GFRA1: variants seen among roughly 807,000 people sequenced by gnomAD.
The protein encoded by GFRA1 is GDNF family receptor alpha 1, also known as GDNF family receptor alpha-1.
Under a neutral mutation model 51.6 loss-of-function variants are expected in GFRA1, and 16 were observed. That is an observed-to-expected ratio of 0.31 (90% CI 0.21 to 0.47). GFRA1 has a LOEUF of 0.47. GFRA1 is among the 20% of genes least tolerant of loss of function. The probability of loss-of-function intolerance (pLI) is 1.00; values close to 1 mark genes in which losing one functional copy is unlikely to be tolerated. For missense variants in GFRA1, 530 were observed against 594.3 expected (o/e 0.89, Z 1.13); for synonymous variants, 270 against 241.3 (o/e 1.12, Z -1.10).
intron 4 of GFRA1, among the ~76,000 whole-genome samples, chr10:116,252,722 G>A (rs1230743861): frequency 1.3e-5 from 2 of 152,116 alleles, no homozygotes; most frequent in Admixed American, 6.5e-5. Flanking sequence ...ACAGATTCTC[G>A]TCTTTAACTA....
intron 4 of GFRA1, among the ~76,000 whole-genome samples, chr10:116,249,757 T>G (rs548201523): frequency 6.6e-6 from 1 of 152,284 alleles, no homozygotes; most frequent in African/African-American, 2.4e-5. Context: ...ACCTACTACA[T>G]AGTTTTCTTG....
At chr10:116,142,791 A>G (rs1353913128) in intron 5 of GFRA1, among the ~76,000 whole-genome samples, 2 of 152,238 alleles carry the variant, frequency 1.3e-5, no homozygotes, top group Non-Finnish European at 2.9e-5. Flanking sequence ...ATATTTATCT[A>G]CAAATTAACA....
intron 9 of GFRA1, among the ~76,000 whole-genome samples, chr10:116,068,288 C>G (rs923994975): frequency 6.6e-6 from 1 of 152,190 alleles, no homozygotes; most frequent in African/African-American, 2.4e-5. Flanking sequence ...CTCGGGAAAG[C>G]CCTACAGCAG....
At chr10:116,112,780 A>G (rs187088271) in intron 6 of GFRA1, among the ~76,000 whole-genome samples, 1 of 152,348 alleles carries the variant, frequency 6.6e-6, no homozygotes, top group African/African-American at 2.4e-5. Context: ...AGATGCTCCA[A>G]GGTTCTCTAA....
chr10:116,213,456 T>C (rs942157273), intron 4 of GFRA1, among the ~76,000 whole-genome samples: 1 of 152,212 alleles, frequency 6.6e-6, no homozygotes, highest in African/African-American at 2.4e-5. Flanking sequence ...CACAGAAATA[T>C]TGCTTATTTT....
At chr10:116,172,095 A>G (rs1016757069) in intron 5 of GFRA1, among the ~76,000 whole-genome samples, 8 of 152,208 alleles carry the variant, frequency 5.3e-5, no homozygotes, top group Non-Finnish European at 7.3e-5. Context: ...TCTTCAGAAG[A>G]TGAGACCCGG....
intron 5 of GFRA1, among the ~76,000 whole-genome samples, chr10:116,184,904 C>T (rs1265823202): frequency 1.3e-5 from 2 of 152,202 alleles, no homozygotes; most frequent in African/African-American, 2.4e-5. Flanking sequence ...CAGTGCAGGA[C>T]ACAGGCCTTT....
chr10:116,105,972 T>C (rs1422045218), intron 6 of GFRA1, among the ~76,000 whole-genome samples: 1 of 152,026 alleles, frequency 6.6e-6, no homozygotes, highest in South Asian at 2.1e-4. Context: ...GTAGGGAGAG[T>C]ATCCCGGATT....
Position 116,196,192 on chromosome 10 carries a change from T to TAA in GFRA1, c.433+15437_433+15438dup, listed in dbSNP as rs5788141. Among the ~76,000 whole-genome samples the TAA allele has an allele frequency of 7.1e-3, 1,021 of 143,932 alleles. 4 individuals are homozygous for TAA. The highest frequency in any genetic ancestry group is 0.022 in the African/African-American group (880 of 39,292). 94.4% of individuals were successfully genotyped at this position (143,932 alleles called of 152,430 possible). ...CAACAAATTTACAAATTTGATGTCT[T>TAA]AAAAAAAAAAAAAACAGCTGGGCAT... is the stretch of plus-strand genomic sequence containing the variant. On this transcript the variant is annotated intron_variant, in intron 5 of 10. Coordinates refer to ENST00000355422, the MANE Select transcript of GFRA1 (RefSeq NM_005264.8).
chr10:116,198,517 T>C, intron 5 of GFRA1, among the ~76,000 whole-genome samples: 1 of 152,234 alleles, frequency 6.6e-6, no homozygotes, highest in East Asian at 1.9e-4. Context: ...TTCCGATATT[T>C]ACATTTTAAT....
intron 9 of GFRA1, 74 bp from the exon 10 acceptor site, chr10:116,065,700 G>T: frequency 3.4e-6 from 4 of 1,171,270 alleles, no homozygotes; most frequent in Non-Finnish European, 5.1e-6. Flanking sequence ...TCAGTCAGCT[G>T]TCTAGGGCAA....
intron 8 of GFRA1, among the ~76,000 whole-genome samples, chr10:116,092,021 C>T (rs534317413): frequency 4.2e-4 from 64 of 151,084 alleles, no homozygotes; most frequent in Admixed American, 1.4e-3. Context: ...TGACCTCCAT[C>T]GTCATTGCTT....
At chr10:116,260,563 G>A (rs975601538) in intron 4 of GFRA1, among the ~76,000 whole-genome samples, 2 of 152,096 alleles carry the variant, frequency 1.3e-5, no homozygotes, top group Non-Finnish European at 2.9e-5. Context: ...AAGAAAGATC[G>A]TAAAAGAGTA....
chr10:116,080,090 C>T (rs572791045), intron 9 of GFRA1, among the ~76,000 whole-genome samples: 8 of 152,192 alleles, frequency 5.3e-5, no homozygotes, highest in Admixed American at 3.3e-4. Flanking sequence ...GAAGGTGGGA[C>T]GAAGGGGGAC....
intron 5 of GFRA1, among the ~76,000 whole-genome samples, chr10:116,206,365 T>C (rs569463738): frequency 2.6e-5 from 4 of 152,222 alleles, no homozygotes; most frequent in African/African-American, 7.2e-5. Context: ...GCCGAGCAGT[T>C]TGACCCATAA....
intron 5 of GFRA1, among the ~76,000 whole-genome samples, chr10:116,188,397 G>T (rs1022119545): frequency 5.9e-5 from 9 of 152,188 alleles, no homozygotes; most frequent in Non-Finnish European, 1.2e-4. Context: ...ACTTAGAAGA[G>T]GTATTTAGAA....
intron 4 of GFRA1, among the ~76,000 whole-genome samples, chr10:116,260,412 G>C (rs1394389441): frequency 6.6e-6 from 1 of 152,192 alleles, no homozygotes; most frequent in African/African-American, 2.4e-5. Context: ...CTGTATACGT[G>C]TTTATAAAGA....
chr10:116,090,801 T>TAATATATGA (rs1208409482), intron 8 of GFRA1, among the ~76,000 whole-genome samples: 8 of 152,166 alleles, frequency 5.3e-5, no homozygotes, highest in Non-Finnish European at 7.4e-5. Context: ...TGCAAATTGT[T>TAATATATGA]AATATATGAC....
intron 6 of GFRA1, among the ~76,000 whole-genome samples, chr10:116,100,157 G>T (rs1402581907): frequency 6.6e-6 from 1 of 152,216 alleles, no homozygotes; most frequent in Non-Finnish European, 1.5e-5. Flanking sequence ...GGGTATTCCA[G>T]ACAGAAGGAA....
Sources: gnomAD v4.1 joint callset for allele counts (sites outside exome capture counted in the v4.1 genomes callset) on GRCh38, gnomAD v4.1.1 for gene constraint, MANE v1.5 for transcripts, NCBI Gene and HGNC (gene_info 2026-07-23, HGNC 2026-07-21) for gene names.